TNRC18: variants seen among roughly 807,000 people sequenced by gnomAD.
TNRC18 encodes the protein trinucleotide repeat containing 18, also known as trinucleotide repeat-containing gene 18 protein.
Under a neutral mutation model 226.7 loss-of-function variants are expected in TNRC18, and 69 were observed. That is an observed-to-expected ratio of 0.30 (90% CI 0.25 to 0.37). The LOEUF (loss-of-function observed/expected upper bound fraction) is 0.37, where lower values mean the gene tolerates loss of function less well. TNRC18 is among the 10% of genes least tolerant of loss of function. The pLI is 1.00. For synonymous variants in TNRC18, 2,449 were observed against 1,927.6 expected (o/e 1.27, Z -7.09); for missense variants, 4,754 against 4,256.6 (o/e 1.12, Z -3.25).
intron 10 of TNRC18, among the ~76,000 whole-genome samples, chr7:5,373,494 C>A (rs947151413): frequency 1.3e-5 from 2 of 152,128 alleles, no homozygotes; most frequent in African/African-American, 4.8e-5. Flanking sequence ...TCAGTGATTG[C>A]CACCACTGGC....
chr7:5,422,805 A>C (rs1043853453), intron 1 of TNRC18: 1 of 152,368 alleles, frequency 6.6e-6, no homozygotes, highest in South Asian at 2.1e-4. Context: ...TCTGGTTACC[A>C]GATTCGCGTT....
intron 1 of TNRC18, among the ~76,000 whole-genome samples, chr7:5,422,415 G>T (rs1417908770): frequency 3.4e-5 from 5 of 146,610 alleles, no homozygotes; most frequent in Admixed American, 2.2e-4. Flanking sequence ...CCCACCTTTG[G>T]GTAAATCCCC....
At chr7:5,413,183 A>C (rs1781949951) in intron 2 of TNRC18, among the ~76,000 whole-genome samples, 1 of 152,164 alleles carries the variant, frequency 6.6e-6, no homozygotes, top group African/African-American at 2.4e-5. Context: ...CTGGAGGACA[A>C]GGCTACAGTA....
rs541404536 is a variant in TNRC18 at position 5,346,569 on chromosome 7, G to A, written c.5471-759C>T. Among the ~76,000 whole-genome samples the A allele has an allele frequency of 1.2e-3, 181 of 152,250 alleles. 1 individual carries two copies. The highest frequency in any genetic ancestry group is 2.2e-3 in the Non-Finnish European group (147 of 68,008). ...CACGCCTGTAATCCCAACACTTTGG[G>A]AGGCCGAGGCAGGAGGATCACTTGA... On this transcript the variant is annotated intron_variant, in intron 17 of 29. Coordinates refer to ENST00000430969, the MANE Select transcript of TNRC18 (RefSeq NM_001080495.3).
At chr7:5,350,879 G>A (rs961542102) in intron 17 of TNRC18, among the ~76,000 whole-genome samples, 20 of 152,300 alleles carry the variant, frequency 1.3e-4, no homozygotes, top group East Asian at 1.2e-3. Flanking sequence ...AGCCGCTTTC[G>A]TATTGAATGA....
intron 2 of TNRC18, chr7:5,420,533 C>G (rs754205774): frequency 9.0e-6 from 4 of 444,144 alleles, no homozygotes; most frequent in Non-Finnish European, 1.8e-5. Context: ...CTGGGGTCAC[C>G]GTACTCCCGC....
chr7:5,366,961 C>G (rs1363898304), intron 11 of TNRC18, among the ~76,000 whole-genome samples: 2 of 152,174 alleles, frequency 1.3e-5, no homozygotes, highest in Non-Finnish European at 2.9e-5. Context: ...ATCCTAACCC[C>G]TAGTAACCTC....
intron 5 of TNRC18, among the ~76,000 whole-genome samples, chr7:5,379,577 G>C (rs1033591932): frequency 5.9e-5 from 9 of 152,186 alleles, no homozygotes; most frequent in African/African-American, 1.9e-4. Context: ...CAGAGGAGAG[G>C]GGACAGGGAG....
intron 17 of TNRC18, among the ~76,000 whole-genome samples, chr7:5,347,905 C>T (rs922666266): frequency 1.3e-5 from 2 of 151,518 alleles, no homozygotes; most frequent in East Asian, 2.0e-4. Flanking sequence ...CAGTGAGCCG[C>T]GATCGCCACT....
intron 16 of TNRC18, among the ~76,000 whole-genome samples, chr7:5,355,699 C>G (rs1323256378): frequency 6.6e-6 from 1 of 152,072 alleles, no homozygotes; most frequent in South Asian, 2.1e-4. Context: ...GGAAACACTG[C>G]AAGACCCTGT....
In TNRC18 at chr7:5,388,629, C is replaced by A; in HGVS notation, c.1195G>T (p.Ala399Ser). Residue 399 changes from alanine to serine, a missense_variant, in exon 5 of 30, where the codon GCC becomes TCC. By Grantham distance (99) the Ala-to-Ser change is moderately conservative. Transcript: ENST00000430969. ...GGCCTGCCAGCCTCGCGCTCGCGGG[C>A]CCGGGCATCGCGCGCCTGGGATGCG... The part of the protein sequence containing the change: ...QIASQARDAR[A>S]REREAGRPGV... 1 of 1,279,046 alleles carries A rather than the reference C, an allele frequency of 7.8e-7. No homozygotes were observed. Among genetic ancestry groups the A allele is most frequent in the Non-Finnish European group, 9.9e-7 (1 of 1,011,834 alleles). 79.2% of individuals were successfully genotyped at this position (1,279,046 alleles called of 1,614,324 possible). A position where few individuals can be genotyped will look rare whatever the true frequency, so the allele number is the denominator to read the frequency against.
chr7:5,401,231 G>C (rs553454086), intron 2 of TNRC18, among the ~76,000 whole-genome samples: 39 of 146,680 alleles, frequency 2.7e-4, no homozygotes, highest in African/African-American at 8.2e-4. Flanking sequence ...TCGAGTCGGG[G>C]GGGGGCGGGG....
chr7:5,396,040 G>A (rs1483641873), intron 2 of TNRC18, among the ~76,000 whole-genome samples: 16 of 145,296 alleles, frequency 1.1e-4, no homozygotes, highest in Admixed American at 2.8e-4. Flanking sequence ...GCGTGGTGGC[G>A]GGCACCTGTA....
At position 5,313,337 on chromosome 7, in the gene TNRC18, G is replaced by A; in HGVS notation, c.7554C>T (p.Pro2518=). Residue 2518 remains proline, a synonymous_variant, in exon 27 of 30, where the codon CCC becomes CCT. Transcript: ENST00000430969. The stretch of plus-strand genomic sequence containing the variant: ...GGGCGAGGTCCCCGTCGGTGGCCTT[G>A]GGCCAGGGTGCCTTGGGCTCGCTGC... ...AGSSEPKAPW[P]KATDGDLAQE... 1 of 1,556,024 alleles carries A rather than the reference G, an allele frequency of 6.4e-7. No individual in the cohort carries two copies. Among genetic ancestry groups the A allele is most frequent in the Non-Finnish European group, 8.7e-7 (1 of 1,150,928 alleles).
intron 8 of TNRC18, 97 bp downstream of exon 8, chr7:5,376,750 G>T: frequency 6.8e-7 from 1 of 1,459,976 alleles, no homozygotes; most frequent in Non-Finnish European, 9.3e-7. Flanking sequence ...CAGATCTGCC[G>T]GCCGCCACCC....
chr7:5,315,335 C>T (rs1787744098), intron 25 of TNRC18, among the ~76,000 whole-genome samples, 187 bp from the exon 26 acceptor site: 1 of 152,166 alleles, frequency 6.6e-6, no homozygotes, highest in African/African-American at 2.4e-5. Context: ...CAGGGAGCAG[C>T]CAGAGGCTCC....
In TNRC18 at chr7:5,345,716, G is replaced by A. The variant is rs1344646304; in HGVS notation, c.5565C>T (p.Ala1855=). Residue 1855 remains alanine, a synonymous_variant, in exon 18 of 30, where the codon GCC becomes GCT. Coordinates refer to ENST00000430969, the MANE Select transcript of TNRC18 (RefSeq NM_001080495.3). ...GGYRLGARER[A]LSPGLEESGL... ...CACTCTCCTCCAGGCCCGGTGACAG[G>A]GCCCGCTCCCGGGCACCCAGCCTGT... is the stretch of plus-strand genomic sequence containing the variant. 1.9e-6 allele frequency: 3 copies of A among 1,548,710 alleles called. No individual in the cohort carries two copies. Among genetic ancestry groups the A allele is most frequent in the Middle Eastern group, 1.7e-4 (1 of 5,980 alleles).
rs747001751 is a variant in TNRC18, at chr7:5,370,677, G to A, written c.3917C>T (p.Pro1306Leu). The change falls in exon 11 of 30, where the codon CCG becomes CTG. Residue 1306 changes from proline to leucine, a missense_variant. Coordinates refer to ENST00000430969, the MANE Select transcript of TNRC18 (RefSeq NM_001080495.3). ...CACGGCCTCTTGGGGCTCCAGGCTC[G>A]GGCACTGTCCCTCCCCGGCGGGCAC... ...CDVPAGEGQC[P>L]SLEPQEAVPV... 26 of 1,612,372 alleles carry A rather than the reference G, an allele frequency of 1.6e-5. No homozygotes were observed. The highest frequency in any genetic ancestry group is 1.7e-4 in the Middle Eastern group (1 of 6,056).
At chr7:5,360,048 A>G (rs922732560) in intron 14 of TNRC18, among the ~76,000 whole-genome samples, 1 of 151,578 alleles carries the variant, frequency 6.6e-6, no homozygotes, top group Non-Finnish European at 1.5e-5. Flanking sequence ...CGCAGTGGGG[A>G]CACAGACATG....
Sources: allele counts gnomAD v4.1 joint callset (sites outside exome capture counted in the v4.1 genomes callset), GRCh38; gene constraint gnomAD v4.1.1; transcripts MANE v1.5; gene names NCBI Gene and HGNC (gene_info 2026-07-23, HGNC 2026-07-21).